The following MICU3 variants were observed in gnomAD, a reference collection of about 807,000 sequenced individuals.
MICU3 encodes calcium uptake protein 3, mitochondrial.
Under a neutral mutation model 66.5 loss-of-function variants are expected in MICU3, and 62 were observed. The ratio of observed to expected loss-of-function variants is 0.93; its 90% CI spans 0.76 to 1.15. The LOEUF (loss-of-function observed/expected upper bound fraction) is 1.15. Ranked by LOEUF, MICU3 falls within the 50% of genes most tolerant of loss-of-function variation. The pLI, the probability that MICU3 is intolerant of heterozygous loss-of-function variation, is 0.00. For synonymous variants in MICU3, 308 were observed against 240.7 expected, an observed-to-expected ratio of 1.28 and a Z score of -2.59; for missense variants, 779 against 664.4, an observed-to-expected ratio of 1.17 and a Z score of -1.90.
intron 1 of MICU3, among the ~76,000 whole-genome samples, chr8:17,048,072 C>A (rs1344580644): frequency 6.6e-6 from 1 of 152,086 alleles, no homozygotes; most frequent in Non-Finnish European, 1.5e-5. Context: ...CATAATTATC[C>A]AGGTGGATTA....
chr8:17,036,894 C>T lies in MICU3; in HGVS notation c.381+9234C>T, dbSNP rs188185520. 8.7e-3 allele frequency among the ~76,000 whole-genome samples: 1,327 copies of T among 152,336 alleles called. 15 individuals are homozygous for T. Among genetic ancestry groups the T allele is most frequent in the African/African-American group, 0.03 (1,229 of 41,584 alleles). ...TGGTGCTCGTTGGGGAGGCTTGGGC[C>T]GCACAGGAGCCCACGGAGTGGGTGG... is the stretch of plus-strand genomic sequence containing the variant. On this transcript the variant is annotated intron_variant, in intron 1 of 14. Transcript: ENST00000318063.
chr8:17,118,835 T>G, intron 14 of MICU3, 60 bp downstream of exon 14: 1 of 1,019,324 alleles, frequency 9.8e-7, no homozygotes, highest in Non-Finnish European at 1.5e-6. Flanking sequence ...TAATTTATTT[T>G]TCTGTTATAA....
chr8:17,090,985 A>AT (rs1303824870), intron 8 of MICU3, among the ~76,000 whole-genome samples: 1 of 152,068 alleles, frequency 6.6e-6, no homozygotes, highest in East Asian at 1.9e-4. Context: ...TTCAATTCTA[A>AT]TAAGTGTCTT....
At chr8:17,048,198 T>C (rs1310704337) in intron 1 of MICU3, among the ~76,000 whole-genome samples, 1 of 152,212 alleles carries the variant, frequency 6.6e-6, no homozygotes, top group Non-Finnish European at 1.5e-5. Context: ...ACATTTCACT[T>C]CATTTAAAAT....
intron 2 of MICU3, among the ~76,000 whole-genome samples, chr8:17,068,635 A>G (rs1342755898): frequency 6.6e-6 from 1 of 152,158 alleles, no homozygotes; most frequent in Non-Finnish European, 1.5e-5. Flanking sequence ...TCTTGGATAG[A>G]TGAAGGATGT....
At chr8:17,030,408 T>G (rs1252181217) in intron 1 of MICU3, among the ~76,000 whole-genome samples, 2 of 152,266 alleles carry the variant, frequency 1.3e-5, no homozygotes, top group Non-Finnish European at 2.9e-5. Flanking sequence ...GTCAGTATTT[T>G]ACAGCTCTTT....
intron 3 of MICU3, among the ~76,000 whole-genome samples, chr8:17,070,662 T>C (rs1585330938): frequency 6.6e-6 from 1 of 151,538 alleles, no homozygotes; most frequent in Non-Finnish European, 1.5e-5. Flanking sequence ...AAAAAAAGAA[T>C]ATTAGAAATC....
At chr8:17,113,947 GAGA>G (rs1394135774) in intron 11 of MICU3, 143 bp from the exon 12 acceptor site, 4 of 501,066 alleles carry the variant, frequency 8.0e-6, no homozygotes, top group Admixed American at 7.5e-5. Flanking sequence ...ATTCCAGTTG[GAGA>G]ACAACGTCAA....
intron 1 of MICU3, among the ~76,000 whole-genome samples, chr8:17,035,946 G>A (rs561286049): frequency 4.7e-4 from 71 of 152,190 alleles, no homozygotes; most frequent in Non-Finnish European, 7.5e-4. Flanking sequence ...CACAGACCTG[G>A]AAGCCTAGGA....
intron 1 of MICU3, among the ~76,000 whole-genome samples, chr8:17,037,407 A>T (rs995122448): frequency 6.6e-6 from 1 of 152,126 alleles, no homozygotes; most frequent in African/African-American, 2.4e-5. Flanking sequence ...CATTCTTGAG[A>T]CTTGGTACCC....
downstream of MICU3, among the ~76,000 whole-genome samples, chr8:17,123,372 G>A (rs531542233): frequency 3.7e-4 from 57 of 152,162 alleles, no homozygotes; most frequent in Non-Finnish European, 6.6e-4. Context: ...AGAGAGAGGT[G>A]TACTTACGAA....
intron 8 of MICU3, among the ~76,000 whole-genome samples, chr8:17,092,095 C>T (rs1196354450): frequency 6.6e-6 from 1 of 152,046 alleles, no homozygotes; most frequent in Non-Finnish European, 1.5e-5. Context: ...CCAGGATGGT[C>T]TTGATCTCCT....
At chr8:17,086,575 A>G (rs905312077) in intron 6 of MICU3, among the ~76,000 whole-genome samples, 3 of 152,074 alleles carry the variant, frequency 2.0e-5, no homozygotes, top group African/African-American at 7.2e-5. Flanking sequence ...ATGGTACACA[A>G]CTGTATTTTA....
intron 1 of MICU3, among the ~76,000 whole-genome samples, chr8:17,038,389 T>C (rs1443603867): frequency 6.6e-6 from 1 of 152,226 alleles, no homozygotes; most frequent in Non-Finnish European, 1.5e-5. Flanking sequence ...CTCTCTTGAC[T>C]GCTGCCATGT....
At chr8:17,108,061 G>T (rs1035752310) in intron 11 of MICU3, among the ~76,000 whole-genome samples, 4 of 152,110 alleles carry the variant, frequency 2.6e-5, no homozygotes, top group Non-Finnish European at 5.9e-5. Flanking sequence ...GATAGTACCT[G>T]TTCGTGGATA....
intron 2 of MICU3, among the ~76,000 whole-genome samples, chr8:17,065,171 C>G (rs1195019736): frequency 1.3e-5 from 2 of 151,976 alleles, no homozygotes; most frequent in Non-Finnish European, 2.9e-5. Flanking sequence ...TTTGTTCGAC[C>G]CATATCTACT....
At chr8:17,086,865 C>T in intron 6 of MICU3, 99 bp from the exon 7 acceptor site, 2 of 717,276 alleles carry the variant, frequency 2.8e-6, no homozygotes, top group Non-Finnish European at 2.4e-6. Flanking sequence ...GTGGATGAAG[C>T]TGTTTTCTTT....
intron 8 of MICU3, among the ~76,000 whole-genome samples, chr8:17,095,378 G>A (rs1800562511): frequency 6.6e-6 from 1 of 151,808 alleles, no homozygotes; most frequent in Non-Finnish European, 1.5e-5. Flanking sequence ...TATACCTAGG[G>A]TGCAGTGCCA....
chr8:17,117,480 A>G (rs997338647), intron 13 of MICU3, among the ~76,000 whole-genome samples: 15 of 152,244 alleles, frequency 9.9e-5, no homozygotes, highest in African/African-American at 3.4e-4. Flanking sequence ...GTATGAATCA[A>G]TAAATGTGTA....
Sources: allele counts gnomAD v4.1 joint callset (sites outside exome capture counted in the v4.1 genomes callset), GRCh38; gene constraint gnomAD v4.1.1; transcripts MANE v1.5; gene names NCBI Gene and HGNC (gene_info 2026-07-23, HGNC 2026-07-21).